The following ZSWIM3 variants were observed in gnomAD, a reference collection of about 807,000 sequenced individuals.
ZSWIM3 encodes the protein zinc finger SWIM domain-containing protein 3.
In ZSWIM3, 27 loss-of-function variants were observed where a neutral mutation model predicts 47.5. The ratio of observed to expected loss-of-function variants is 0.57; its 90% CI spans 0.42 to 0.78. The LOEUF (loss-of-function observed/expected upper bound fraction) is 0.78, where lower values mean the gene tolerates loss of function less well. Among genes scored for constraint, ZSWIM3 ranks in the 30% least tolerant of loss-of-function variants. The probability of loss-of-function intolerance (pLI) is 0.00; values close to 1 mark genes in which losing one functional copy is unlikely to be tolerated. For synonymous variants in ZSWIM3, 333 were observed against 333.9 expected, an observed-to-expected ratio of 1.00 and a Z score of 0.03; for missense variants, 689 against 861.3, an observed-to-expected ratio of 0.80 and a Z score of 2.50.
chr20:45,868,355 T>C (rs1985892233), intron 1 of ZSWIM3, among the ~76,000 whole-genome samples: 1 of 152,192 alleles, frequency 6.6e-6, no homozygotes, highest in Non-Finnish European at 1.5e-5. Context: ...CTAAGGAATA[T>C]TTTGGCAAAA....
At chr20:45,868,041 C>T (rs1391330936) in intron 1 of ZSWIM3, among the ~76,000 whole-genome samples, 4 of 152,174 alleles carry the variant, frequency 2.6e-5, no homozygotes, top group Admixed American at 1.3e-4. Context: ...ACTACTTAAC[C>T]ATCCCTCTGC....
intron 1 of ZSWIM3, among the ~76,000 whole-genome samples, chr20:45,860,147 A>T (rs1036644709): frequency 6.6e-6 from 1 of 152,190 alleles, no homozygotes; most frequent in African/African-American, 2.4e-5. Context: ...TTAGGTTAGA[A>T]GTCAGGCACA....
intron 1 of ZSWIM3, among the ~76,000 whole-genome samples, chr20:45,862,645 C>T (rs1282484816): frequency 2.0e-5 from 3 of 152,140 alleles, no homozygotes; most frequent in Admixed American, 1.3e-4. Context: ...GCATGCACCA[C>T]CACGCCTGGC....
intron 1 of ZSWIM3, among the ~76,000 whole-genome samples, chr20:45,859,528 A>G (rs576112452): frequency 6.6e-6 from 1 of 152,160 alleles, no homozygotes; most frequent in South Asian, 2.1e-4. Context: ...CTGGGCTGTG[A>G]ATGAATGTAG....
intron 1 of ZSWIM3, chr20:45,872,971 A>G: frequency 8.7e-7 from 1 of 1,147,758 alleles, no homozygotes; most frequent in Non-Finnish European, 1.1e-6. Flanking sequence ...TTTCTAGGCT[A>G]TGCCACGTCA....
At chr20:45,864,172 T>A (rs560275123) in intron 1 of ZSWIM3, among the ~76,000 whole-genome samples, 8 of 152,294 alleles carry the variant, frequency 5.3e-5, no homozygotes, top group Non-Finnish European at 1.0e-4. Context: ...AGTACAAAGA[T>A]GAGCTGGAGT....
intron 1 of ZSWIM3, among the ~76,000 whole-genome samples, chr20:45,867,732 C>T (rs1406845709): frequency 6.6e-6 from 1 of 152,104 alleles, no homozygotes; most frequent in East Asian, 1.9e-4. Context: ...ATTTTTATGA[C>T]GGTTGTTTTT....
intron 1 of ZSWIM3, among the ~76,000 whole-genome samples, chr20:45,873,959 A>G (rs912420584): frequency 7.9e-5 from 12 of 152,374 alleles, no homozygotes; most frequent in Admixed American, 6.5e-4. Flanking sequence ...CAGATAATCA[A>G]TTTAACTGCC....
rs1160911986 is a variant in ZSWIM3, at chr20:45,878,023, C to G, written c.1465C>G (p.Pro489Ala). ...GGTACAGCAGCAGTCACAAGTGCCG[C>G]CCTCGCAGGTTGGCATGCTGGACAC... is the stretch of plus-strand genomic sequence containing the variant. ...VQVQQQSQVPPSQVGMLDTLH... is the reference protein window; with the variant it reads ...VQVQQQSQVPASQVGMLDTLH... The change falls in exon 2 of 2, where the codon CCC (proline) becomes GCC (alanine). Residue 489 changes from proline (P) to alanine (A), a missense_variant. Physicochemically the swap from Pro to Ala is conservative, Grantham distance 27. Coordinates refer to ENST00000255152, the MANE Select transcript of ZSWIM3 (RefSeq NM_080752.4). 6.2e-7 allele frequency: 1 copy of G among 1,614,022 alleles called. No individual in the cohort carries two copies. The highest frequency in any genetic ancestry group is 1.7e-5 in the Admixed American group (1 of 60,010).
At chr20:45,861,427 A>T (rs771493786) in intron 1 of ZSWIM3, among the ~76,000 whole-genome samples, 357 of 34,552 alleles carry the variant, frequency 0.01, 2 homozygotes, top group Middle Eastern at 0.068. Context: ...TCCTGTCTCT[A>T]AAAAAAAAAA....
At chr20:45,863,257 C>T (rs1232567078) in intron 1 of ZSWIM3, among the ~76,000 whole-genome samples, 1 of 151,454 alleles carries the variant, frequency 6.6e-6, no homozygotes, top group African/African-American at 2.4e-5. Context: ...TCTGGAGATA[C>T]GTTGTTGAAA....
intron 1 of ZSWIM3, among the ~76,000 whole-genome samples, chr20:45,876,204 G>A (rs756610383): frequency 2.0e-5 from 3 of 151,908 alleles, no homozygotes; most frequent in Non-Finnish European, 4.4e-5. Context: ...TACCATGCCC[G>A]GCTAATTTTG....
chr20:45,874,042 G>T (rs749879319), intron 1 of ZSWIM3, among the ~76,000 whole-genome samples: 26 of 152,182 alleles, frequency 1.7e-4, no homozygotes, highest in Non-Finnish European at 3.2e-4. Context: ...ATCTAGCCCA[G>T]TGGTTATCAA....
chr20:45,863,103 T>C (rs1330607135), intron 1 of ZSWIM3, among the ~76,000 whole-genome samples: 1 of 152,194 alleles, frequency 6.6e-6, no homozygotes, highest in Admixed American at 6.5e-5. Context: ...TCTTCTCACT[T>C]ACCAATATAT....
intron 1 of ZSWIM3, among the ~76,000 whole-genome samples, chr20:45,865,344 C>T (rs1985811895): frequency 1.3e-5 from 2 of 150,992 alleles, no homozygotes; most frequent in East Asian, 1.9e-4. Flanking sequence ...AAAAATTATC[C>T]AGGCCTGGTG....
rs1286385577 is a variant in ZSWIM3, at chr20:45,857,691, A to G, written c.-135A>G. 9 of 1,100,856 alleles carry G rather than the reference A, an allele frequency of 8.2e-6. No homozygotes were observed. Among genetic ancestry groups the G allele is most frequent in the African/African-American group, 1.6e-5 (1 of 63,700 alleles). The allele number at this position is 1,100,856 out of a possible 1,614,324, so 68.2% of individuals were successfully genotyped here. On this transcript the variant is annotated 5_prime_UTR_variant, in exon 1 of 2. Transcript: ENST00000255152. ...TCCTCCCTGAGTTCCAGAATAGGCC[A>G]CCCAGTTGGGGCGGACCCTTAAGGC... is the stretch of plus-strand genomic sequence containing the variant.
intron 1 of ZSWIM3, among the ~76,000 whole-genome samples, chr20:45,870,692 T>A (rs1027084977): frequency 8.6e-5 from 13 of 151,874 alleles, no homozygotes; most frequent in Non-Finnish European, 1.8e-4. Context: ...GGAATTTATT[T>A]TTTTTTTTTT....
rs1157495138 is a variant in ZSWIM3 at position 45,877,841 on chromosome 20, C to T, written c.1283C>T (p.Thr428Ile). The T allele has an allele frequency of 1.9e-6, 3 of 1,614,058 alleles. No homozygotes were observed. The highest frequency in any genetic ancestry group is 2.5e-6 in the Non-Finnish European group (3 of 1,180,048). ...CFVDYIDFFN[T>I]KGLKNLPTPP... ...GTGGATTACATAGACTTCTTTAATA[C>T]CAAAGGCTTGAAGAACTTGCCCACA... Residue 428 changes from threonine to isoleucine, a missense_variant, in exon 2 of 2, where the codon ACC (threonine) becomes ATC (isoleucine). By Grantham distance (89) the Thr-to-Ile change is moderately conservative. Transcript: ENST00000255152.
chr20:45,871,698 AAAAG>A (rs1275960512), intron 1 of ZSWIM3, among the ~76,000 whole-genome samples: 3 of 151,766 alleles, frequency 2.0e-5, no homozygotes, highest in South Asian at 4.1e-4. Flanking sequence ...AAAAAAAAAA[AAAAG>A]AAAGAAAAAA....
Sources: gnomAD v4.1 joint callset for allele counts (sites outside exome capture counted in the v4.1 genomes callset) on GRCh38, gnomAD v4.1.1 for gene constraint, MANE v1.5 for transcripts, NCBI Gene and HGNC (gene_info 2026-07-23, HGNC 2026-07-21) for gene names.